Variants in SLC25A21 observed in about 807,000 individuals in gnomAD.
SLC25A21 encodes the protein mitochondrial 2-oxodicarboxylate carrier.
In SLC25A21, 47 loss-of-function variants were observed where a neutral mutation model predicts 43.8. The observed-to-expected ratio is 1.07, with a 90% CI of 0.85 to 1.37. The LOEUF (loss-of-function observed/expected upper bound fraction) is 1.37, where lower values mean the gene tolerates loss of function less well. SLC25A21 is among the 40% of genes most tolerant of loss of function. The pLI, the probability that SLC25A21 is intolerant of heterozygous loss-of-function variation, is 0.00. For missense variants in SLC25A21, 352 were observed against 350.2 expected, an observed-to-expected ratio of 1.00 and a Z score of -0.04; for synonymous variants, 131 against 121.3, an observed-to-expected ratio of 1.08 and a Z score of -0.52.
intron 3 of SLC25A21, among the ~76,000 whole-genome samples, chr14:36,764,534 CA>C (rs200286612): frequency 0.24 from 22,856 of 95,930 alleles, 1,911 homozygotes; most frequent in East Asian, 0.34. Context: ...ACCCACACTC[CA>C]AAAAAAAAAA....
intron 2 of SLC25A21, among the ~76,000 whole-genome samples, chr14:36,842,884 C>T (rs1455782509): frequency 1.3e-5 from 2 of 151,988 alleles, no homozygotes; most frequent in African/African-American, 2.4e-5. Context: ...AGACTGATTT[C>T]GTGGAAGACA....
At chr14:37,083,685 G>A (rs1370679287) in intron 1 of SLC25A21, among the ~76,000 whole-genome samples, 2 of 152,180 alleles carry the variant, frequency 1.3e-5, no homozygotes, top group Non-Finnish European at 2.9e-5. Flanking sequence ...TCCATAGACT[G>A]GAAGCATCAG....
At chr14:36,991,095 T>A (rs1040060530) in intron 1 of SLC25A21, among the ~76,000 whole-genome samples, 1 of 152,220 alleles carries the variant, frequency 6.6e-6, no homozygotes, top group Non-Finnish European at 1.5e-5. Flanking sequence ...AAAGTCCTGA[T>A]AATGTAAATA....
At chr14:36,807,956 G>A (rs1422963871) in intron 3 of SLC25A21, among the ~76,000 whole-genome samples, 2 of 152,134 alleles carry the variant, frequency 1.3e-5, no homozygotes, top group Non-Finnish European at 1.5e-5. Flanking sequence ...CTCATAAAAC[G>A]AGGCCTTAAA....
At chr14:37,165,383 A>G (rs975986499) in intron 1 of SLC25A21, among the ~76,000 whole-genome samples, 4 of 152,302 alleles carry the variant, frequency 2.6e-5, no homozygotes, top group African/African-American at 9.6e-5. Context: ...TCTCAAAAAA[A>G]AAAAAGATAC....
At chr14:37,133,797 C>A (rs1432882004) in intron 1 of SLC25A21, among the ~76,000 whole-genome samples, 1 of 152,168 alleles carries the variant, frequency 6.6e-6, no homozygotes, top group Non-Finnish European at 1.5e-5. Flanking sequence ...AGTGCTACTT[C>A]CTCTGCCTAC....
intron 1 of SLC25A21, among the ~76,000 whole-genome samples, chr14:36,929,448 A>T: frequency 6.6e-6 from 1 of 152,164 alleles, no homozygotes; most frequent in Non-Finnish European, 1.5e-5. Context: ...TGACTTGGAG[A>T]AAAATAGGAA....
At chr14:36,974,600 A>G (rs367550120) in intron 1 of SLC25A21, among the ~76,000 whole-genome samples, 1 of 152,216 alleles carries the variant, frequency 6.6e-6, no homozygotes, top group Non-Finnish European at 1.5e-5. Flanking sequence ...ATAAACAGAC[A>G]TCAGTAGTTG....
intron 3 of SLC25A21, among the ~76,000 whole-genome samples, chr14:36,735,177 A>C (rs17105164): frequency 0.27 from 40,514 of 152,048 alleles, 5,618 homozygotes; most frequent in Middle Eastern, 0.31. Flanking sequence ...AAGAAATGTC[A>C]GACTCCCTTG....
chr14:36,770,339 A>G (rs887274221), intron 3 of SLC25A21, among the ~76,000 whole-genome samples: 1 of 152,162 alleles, frequency 6.6e-6, no homozygotes, highest in East Asian at 1.9e-4. Flanking sequence ...GGACATAAAG[A>G]TGGCAACAAT....
intron 3 of SLC25A21, chr14:36,809,035 A>G (rs538404536): frequency 6.6e-6 from 1 of 152,308 alleles, no homozygotes; most frequent in East Asian, 1.9e-4. Flanking sequence ...GCCAACTTTC[A>G]TAAGATGCTC....
At chr14:36,725,750 C>T (rs1017987544) in intron 5 of SLC25A21, 73 bp from the exon 6 acceptor site, 9 of 888,818 alleles carry the variant, frequency 1.0e-5, no homozygotes, top group South Asian at 2.3e-5. Flanking sequence ...CTATTCATTA[C>T]ACTATGCAGC....
chr14:37,000,131 G>A (rs1175771305), intron 1 of SLC25A21, among the ~76,000 whole-genome samples: 1 of 151,812 alleles, frequency 6.6e-6, no homozygotes, highest in Non-Finnish European at 1.5e-5. Context: ...TAGTTTCTTG[G>A]GCCAAAAACC....
intron 3 of SLC25A21, among the ~76,000 whole-genome samples, chr14:36,742,656 C>T (rs1885320389): frequency 6.6e-6 from 1 of 152,154 alleles, no homozygotes; most frequent in Admixed American, 6.5e-5. Context: ...GCAAGTGACA[C>T]AGATTCTTCT....
intron 1 of SLC25A21, among the ~76,000 whole-genome samples, chr14:37,010,950 G>C (rs1960717310): frequency 6.6e-6 from 1 of 151,996 alleles, no homozygotes; most frequent in African/African-American, 2.4e-5. Flanking sequence ...GCAGTGGTGC[G>C]ATCTTGGCTC....
chr14:36,725,582 G>C lies in SLC25A21; in HGVS notation c.426C>G (p.Asn142Lys). 1 of 1,584,436 alleles carries C rather than the reference G, an allele frequency of 6.3e-7. No homozygotes were observed. Among genetic ancestry groups the C allele is most frequent in the Non-Finnish European group, 8.6e-7 (1 of 1,165,808 alleles). The change falls in exon 6 of 10, where the codon AAC (asparagine) becomes AAG (lysine). Residue 142 changes from asparagine (N) to lysine (K), a missense_variant. Physicochemically the swap from Asn to Lys is moderately conservative, Grantham distance 94. Transcript: ENST00000331299. ...VVKVGLQANR[N>K]TFAEQPSTVG... The stretch of plus-strand genomic sequence containing the variant: ...ATTAAATGGTTACCTCTGCAAATGT[G>C]TTCCGATTTGCTTGCAAGCCAACTT...
chr14:36,794,013 C>G (rs1388847431), intron 3 of SLC25A21, among the ~76,000 whole-genome samples: 2 of 149,984 alleles, frequency 1.3e-5, no homozygotes, highest in Non-Finnish European at 3.0e-5. Flanking sequence ...AGAATACAGA[C>G]TTGGAAAGTG....
At chr14:36,887,855 T>G (rs958647450) in intron 1 of SLC25A21, among the ~76,000 whole-genome samples, 4 of 151,810 alleles carry the variant, frequency 2.6e-5, no homozygotes, top group Non-Finnish European at 4.4e-5. Context: ...TCCTTTCTTC[T>G]TTGATTTAAT....
At chr14:37,093,070 G>A (rs1473354391) in intron 1 of SLC25A21, among the ~76,000 whole-genome samples, 1 of 152,050 alleles carries the variant, frequency 6.6e-6, no homozygotes, top group Non-Finnish European at 1.5e-5. Context: ...ATTCAAGGGG[G>A]AACATCTTCC....
Sources: gnomAD v4.1 joint callset for allele counts (sites outside exome capture counted in the v4.1 genomes callset) on GRCh38, gnomAD v4.1.1 for gene constraint, MANE v1.5 for transcripts, NCBI Gene and HGNC (gene_info 2026-07-23, HGNC 2026-07-21) for gene names.